The following APTX variants were observed in gnomAD, a reference collection of about 807,000 sequenced individuals.
APTX encodes the protein aprataxin.
In APTX, 33 loss-of-function variants were observed where a neutral mutation model predicts 42.3. The ratio of observed to expected loss-of-function variants is 0.78; its 90% CI spans 0.59 to 1.04. APTX has a LOEUF of 1.04. Ranked by LOEUF, APTX falls within the 50% of genes least tolerant of loss-of-function variation. The pLI is 0.00. For missense variants in APTX, 421 were observed against 415.1 expected (o/e 1.01, Z -0.12); for synonymous variants, 130 against 146.7 (o/e 0.89, Z 0.82).
intron 1 of APTX, among the ~76,000 whole-genome samples, chr9:33,023,039 G>A (rs550875077): frequency 4.6e-4 from 70 of 152,096 alleles, no homozygotes; most frequent in Non-Finnish European, 9.1e-4. Flanking sequence ...ATGTTGCTCA[G>A]GCTGGTCTCA....
At chr9:32,976,217 G>A (rs1054921326) in intron 6 of APTX, among the ~76,000 whole-genome samples, 4 of 150,098 alleles carry the variant, frequency 2.7e-5, no homozygotes, top group African/African-American at 7.4e-5. Flanking sequence ...ATCACATACC[G>A]GGGCCTGTCA....
intron 6 of APTX, among the ~76,000 whole-genome samples, chr9:32,981,639 C>T (rs1830700687): frequency 6.6e-6 from 1 of 152,060 alleles, no homozygotes; most frequent in African/African-American, 2.4e-5. Flanking sequence ...ATGTTGAAGG[C>T]GTATCTAAGT....
At chr9:33,019,719 G>A (rs1838213439) in intron 1 of APTX, 3 of 524,378 alleles carry the variant, frequency 5.7e-6, no homozygotes, top group Non-Finnish European at 6.6e-6. Flanking sequence ...GAAACTGGGG[G>A]CCCAAAGTGC....
upstream of APTX, chr9:33,001,786 GT>G: frequency 4.0e-6 from 3 of 754,574 alleles, no homozygotes; most frequent in South Asian, 3.3e-5. Flanking sequence ...GATCCTGGAA[GT>G]TATGCCTGTG....
intron 1 of APTX, among the ~76,000 whole-genome samples, chr9:32,996,520 G>A (rs1411450019): frequency 6.6e-6 from 1 of 152,036 alleles, no homozygotes; most frequent in Non-Finnish European, 1.5e-5. Context: ...CAATCCTCCT[G>A]TCTTGACCTC....
chr9:33,001,649 G>T, upstream of APTX: 1 of 1,611,450 alleles, frequency 6.2e-7, no homozygotes, highest in Non-Finnish European at 8.5e-7. Flanking sequence ...GTCAGAGGCC[G>T]GCTGTATCGC....
intron 1 of APTX, among the ~76,000 whole-genome samples, chr9:33,016,778 A>C (rs568118429): frequency 6.6e-6 from 1 of 152,276 alleles, no homozygotes; most frequent in East Asian, 1.9e-4. Flanking sequence ...AGGCACTCTG[A>C]TGTTAGAGGA....
chr9:33,004,216 G>T (rs1350907735), upstream of APTX, among the ~76,000 whole-genome samples: 2 of 152,208 alleles, frequency 1.3e-5, no homozygotes, highest in Admixed American at 1.3e-4. Context: ...TGGCAGCTAA[G>T]CTTTGGGTAT....
intron 1 of APTX, among the ~76,000 whole-genome samples, chr9:32,993,359 G>A (rs781448857): frequency 6.6e-6 from 1 of 152,142 alleles, no homozygotes; most frequent in Non-Finnish European, 1.5e-5. Flanking sequence ...TTACAATATG[G>A]CAAGTGCAGA....
intron 1 of APTX, among the ~76,000 whole-genome samples, chr9:33,021,937 G>A (rs966484540): frequency 6.6e-6 from 1 of 150,454 alleles, no homozygotes; most frequent in African/African-American, 2.4e-5. Flanking sequence ...GCCAGCCTGG[G>A]CAACACATCA....
chr9:32,994,847 A>C (rs1187558562), intron 1 of APTX, among the ~76,000 whole-genome samples: 2 of 152,182 alleles, frequency 1.3e-5, no homozygotes, highest in African/African-American at 2.4e-5. Context: ...TGGAGACTTT[A>C]AACTGAAGCC....
At chr9:32,976,276 G>A (rs1829393418) in intron 6 of APTX, among the ~76,000 whole-genome samples, 1 of 152,036 alleles carries the variant, frequency 6.6e-6, no homozygotes, top group South Asian at 2.1e-4. Flanking sequence ...AATACCTAAT[G>A]TAAATGATGA....
intron 4 of APTX, 32 bp from the exon 5 acceptor site, chr9:32,986,062 AAAAAAAAAC>A: frequency 6.9e-7 from 1 of 1,456,560 alleles, no homozygotes; most frequent in Non-Finnish European, 9.4e-7. Flanking sequence ...AAACAAAAAA[AAAAAAAAAC>A]AAGCAATGTA....
chr9:32,987,177 T>A (rs1174453172), intron 4 of APTX, among the ~76,000 whole-genome samples: 1 of 152,230 alleles, frequency 6.6e-6, no homozygotes, highest in Non-Finnish European at 1.5e-5. Flanking sequence ...GTATGAGTCA[T>A]ACCTTCTTTG....
chr9:33,001,349 C>T lies in APTX; in HGVS notation c.-5+218G>A, dbSNP rs1250096361. ...GGTACATACAGGTGTCGGGAGCACA[C>T]GTGAACAAACGCAAAGTGGGTCGAA... is the stretch of plus-strand genomic sequence containing the variant. On this transcript the variant is annotated intron_variant, in intron 1 of 7. Transcript: ENST00000379817. 2.6e-6 allele frequency: 4 copies of T among 1,527,480 alleles called. No homozygotes were observed. The Admixed American group carries it at 7.9e-5, about 30-fold the overall frequency. 94.6% of individuals were successfully genotyped at this position (1,527,480 alleles called of 1,614,324 possible).
At chr9:33,013,633 C>T (rs549447586) in intron 1 of APTX, among the ~76,000 whole-genome samples, 2 of 152,184 alleles carry the variant, frequency 1.3e-5, no homozygotes, top group South Asian at 2.1e-4. Flanking sequence ...GGTGAAACCC[C>T]ATCTCTACTA....
intron 1 of APTX, among the ~76,000 whole-genome samples, chr9:33,019,291 T>C (rs1243853184): frequency 6.6e-6 from 1 of 151,916 alleles, no homozygotes; most frequent in East Asian, 1.9e-4. Flanking sequence ...AAGACTGAAA[T>C]TGTACGTAGT....
At chr9:32,987,458 T>G in intron 4 of APTX, 86 bp downstream of exon 4, 1 of 1,555,780 alleles carries the variant, frequency 6.4e-7, no homozygotes, top group Non-Finnish European at 8.8e-7. Context: ...CTCACGCATT[T>G]CTGAACTTTA....
At chr9:32,984,929 A>G in intron 5 of APTX, 72 bp from the exon 6 acceptor site, 1 of 1,360,388 alleles carries the variant, frequency 7.4e-7, no homozygotes, top group East Asian at 2.3e-5. Flanking sequence ...TGTTATATTC[A>G]CTAAGTCACT....
Sources: allele counts gnomAD v4.1 joint callset (sites outside exome capture counted in the v4.1 genomes callset), GRCh38; gene constraint gnomAD v4.1.1; transcripts MANE v1.5; gene names NCBI Gene and HGNC (gene_info 2026-07-23, HGNC 2026-07-21).